FNDC3B: variants seen among roughly 807,000 people sequenced by gnomAD.
The protein encoded by FNDC3B is fibronectin type III domain containing 3B.
A neutral mutation model predicts 151.5 loss-of-function variants in FNDC3B; 12 were observed. The ratio of observed to expected loss-of-function variants is 0.08; its 90% CI spans 0.05 to 0.13. The LOEUF (loss-of-function observed/expected upper bound fraction) is 0.13, where lower values mean the gene tolerates loss of function less well. Among genes scored for constraint, FNDC3B ranks in the 10% least tolerant of loss-of-function variants. The pLI is 1.00. For missense variants in FNDC3B, 1,214 were observed against 1,505.3 expected (o/e 0.81, Z 3.20); for synonymous variants, 528 against 549.0 (o/e 0.96, Z 0.54).
chr3:172,182,123 G>T (rs1307013130), intron 3 of FNDC3B, among the ~76,000 whole-genome samples: 2 of 152,142 alleles, frequency 1.3e-5, no homozygotes, highest in African/African-American at 4.8e-5. Flanking sequence ...CACTTGTGGG[G>T]GTGACTTCCT....
At chr3:172,392,228 T>C (rs1026394212) in intron 25 of FNDC3B, among the ~76,000 whole-genome samples, 1 of 152,350 alleles carries the variant, frequency 6.6e-6, no homozygotes, top group Middle Eastern at 3.4e-3. Context: ...TCTTCTTAGT[T>C]GCTCCAGCCT....
At chr3:172,189,546 T>A (rs1337212110) in intron 3 of FNDC3B, among the ~76,000 whole-genome samples, 1 of 151,776 alleles carries the variant, frequency 6.6e-6, no homozygotes, top group Non-Finnish European at 1.5e-5. Flanking sequence ...TTTACTTGAA[T>A]TTTTTTTTAT....
At chr3:172,377,053 C>A (rs1735185804) in intron 23 of FNDC3B, among the ~76,000 whole-genome samples, 2 of 152,212 alleles carry the variant, frequency 1.3e-5, no homozygotes, top group Admixed American at 6.5e-5. Context: ...TCTTTCAAAT[C>A]CGCAGAGCCT....
At chr3:172,225,213 G>T (rs1319755571) in intron 3 of FNDC3B, among the ~76,000 whole-genome samples, 1 of 152,126 alleles carries the variant, frequency 6.6e-6, no homozygotes, top group Non-Finnish European at 1.5e-5. Flanking sequence ...CTTGCTCTGT[G>T]CGCAGGCTGG....
intron 9 of FNDC3B, among the ~76,000 whole-genome samples, chr3:172,301,501 G>A: frequency 6.6e-6 from 1 of 152,144 alleles, no homozygotes; most frequent in African/African-American, 2.4e-5. Context: ...AAGGCCGTGT[G>A]GAAATAGTTT....
chr3:172,362,974 T>C, intron 23 of FNDC3B, 129 bp downstream of exon 23: 2 of 705,146 alleles, frequency 2.8e-6, no homozygotes, highest in South Asian at 3.9e-5. Context: ...TCCTTTGACT[T>C]GAGCCCTGCG....
At chr3:172,372,708 G>A (rs954117454) in intron 23 of FNDC3B, among the ~76,000 whole-genome samples, 11 of 152,130 alleles carry the variant, frequency 7.2e-5, no homozygotes, top group Non-Finnish European at 4.4e-5. Context: ...GCAGGAACTG[G>A]GAGCCAGAGG....
intron 13 of FNDC3B, 47 bp downstream of exon 13, chr3:172,330,762 T>C (rs1732609371): frequency 6.9e-7 from 1 of 1,456,312 alleles, no homozygotes; most frequent in Non-Finnish European, 9.5e-7. Context: ...TACGAGTCAG[T>C]ATTATTATAG....
At position 172,199,506 on chromosome 3, in the gene FNDC3B, T is replaced by C. The variant is rs183001556; in HGVS notation, c.188-27365T>C. Among the ~76,000 whole-genome samples, 237 of 152,368 alleles carry C rather than the reference T, an allele frequency of 1.6e-3. 1 individual carries two copies. The highest frequency in any genetic ancestry group is 0.011 in the South Asian group (51 of 4,830). On this transcript the variant is annotated intron_variant, in intron 3 of 25. Coordinates refer to ENST00000415807, the MANE Select transcript of FNDC3B (RefSeq NM_022763.4). ...AATATTTTATTTTTGAAAACACTAT[T>C]GAACTTACCAAGGAAAATGTTATGT...
At chr3:172,126,923 T>C (rs574706287) in intron 2 of FNDC3B, 12 of 415,636 alleles carry the variant, frequency 2.9e-5, no homozygotes, top group South Asian at 2.0e-4. Flanking sequence ...AGAACTTCTG[T>C]GAATGGATTC....
intron 24 of FNDC3B, among the ~76,000 whole-genome samples, chr3:172,379,725 T>C (rs1735340808): frequency 6.6e-6 from 1 of 152,200 alleles, no homozygotes; most frequent in Admixed American, 6.5e-5. Context: ...GGTTTATTAG[T>C]ACCAAGGAAG....
intron 4 of FNDC3B, 137 bp downstream of exon 4, chr3:172,227,084 A>C (rs1726627881): frequency 4.8e-6 from 3 of 619,282 alleles, no homozygotes; most frequent in Non-Finnish European, 8.8e-6. Context: ...ATTTTGTGGC[A>C]CCACATGGCG....
intron 25 of FNDC3B, among the ~76,000 whole-genome samples, chr3:172,392,060 T>C (rs1254748617): frequency 6.6e-6 from 1 of 152,188 alleles, no homozygotes; most frequent in East Asian, 1.9e-4. Context: ...AGTTTCCTTG[T>C]GGTGTAGTCT....
intron 10 of FNDC3B, 126 bp downstream of exon 10, chr3:172,307,627 A>G: frequency 1.1e-6 from 1 of 874,756 alleles, no homozygotes; most frequent in Non-Finnish European, 1.8e-6. Flanking sequence ...CAGGAGTTTC[A>G]AGGCTGCAGT....
At chr3:172,196,212 G>A (rs1940069778) in intron 3 of FNDC3B, among the ~76,000 whole-genome samples, 1 of 152,066 alleles carries the variant, frequency 6.6e-6, no homozygotes, top group African/African-American at 2.4e-5. Context: ...TTTAGACACA[G>A]TGTCTTGCTC....
At chr3:172,243,014 A>G (rs1727579183) in intron 4 of FNDC3B, among the ~76,000 whole-genome samples, 2 of 152,192 alleles carry the variant, frequency 1.3e-5, no homozygotes, top group Non-Finnish European at 2.9e-5. Flanking sequence ...ACAAATCTCT[A>G]GGGCAGAGAC....
intron 4 of FNDC3B, among the ~76,000 whole-genome samples, chr3:172,231,558 G>C (rs1426022521): frequency 6.6e-6 from 1 of 152,198 alleles, no homozygotes; most frequent in African/African-American, 2.4e-5. Flanking sequence ...TGGAGTTATT[G>C]GTGGTGGTGA....
rs532732663 is a variant in FNDC3B at position 172,362,384 on chromosome 3, A to T, written c.2796-249A>T. On this transcript the variant is annotated intron_variant, in intron 22 of 25. Transcript: ENST00000415807. ...CTGAGACAACAAACCTATTTTTTTT[A>T]AATTAAAGAACTAAGAGATATCTTG... is the stretch of plus-strand genomic sequence containing the variant. Among the ~76,000 whole-genome samples, 319 of 142,654 alleles carry T rather than the reference A, an allele frequency of 2.2e-3. 1 individual carries two copies. Among genetic ancestry groups the T allele is most frequent in the African/African-American group, 7.3e-3 (296 of 40,530 alleles). 93.6% of individuals were successfully genotyped at this position (142,654 alleles called of 152,430 possible).
intron 7 of FNDC3B, among the ~76,000 whole-genome samples, chr3:172,290,278 A>G (rs1375938925): frequency 6.6e-6 from 1 of 152,222 alleles, no homozygotes; most frequent in Non-Finnish European, 1.5e-5. Context: ...TTTACTCTTC[A>G]GAGACCCAGC....
Sources: allele counts gnomAD v4.1 joint callset (sites outside exome capture counted in the v4.1 genomes callset), GRCh38; gene constraint gnomAD v4.1.1; transcripts MANE v1.5; gene names NCBI Gene and HGNC (gene_info 2026-07-23, HGNC 2026-07-21).